TTLL12: variants seen among roughly 807,000 people sequenced by gnomAD.
TTLL12 encodes tubulin--tyrosine ligase-like protein 12.
In TTLL12, 77 loss-of-function variants were observed where a neutral mutation model predicts 79.6. The ratio of observed to expected loss-of-function variants is 0.97; its 90% CI spans 0.81 to 1.17. TTLL12 has a LOEUF of 1.17. TTLL12 is among the 50% of genes most tolerant of loss of function. The pLI is 0.00. For missense variants in TTLL12, 969 were observed against 895.9 expected (o/e 1.08, Z -1.04); for synonymous variants, 437 against 376.1 (o/e 1.16, Z -1.87).
chr22:43,172,701 C>T (rs76577202), intron 9 of TTLL12, 147 bp from the exon 10 acceptor site: 13 of 632,408 alleles, frequency 2.1e-5, no homozygotes, highest in South Asian at 4.3e-5. Context: ...GCTGCAAAGT[C>T]TTTTTTTTTT....
At chr22:43,174,691 G>A (rs1931858549) in intron 6 of TTLL12, 76 bp from the exon 7 acceptor site, 8 of 1,059,890 alleles carry the variant, frequency 7.5e-6, no homozygotes, top group Non-Finnish European at 1.1e-5. Context: ...CCCTGGCTCA[G>A]GGACTCCCTT....
chr22:43,180,717 C>T, intron 3 of TTLL12, 25 bp downstream of exon 3: 1 of 1,610,900 alleles, frequency 6.2e-7, no homozygotes. Flanking sequence ...TCCTCCCCCT[C>T]CCCGGGGCCC....
intron 6 of TTLL12, 104 bp downstream of exon 6, chr22:43,176,216 G>C: frequency 2.4e-6 from 2 of 839,326 alleles, no homozygotes; most frequent in Non-Finnish European, 2.0e-6. Flanking sequence ...GACTTGCTGC[G>C]TGCCACGTGC....
Position 43,182,592 on chromosome 22 carries a change from T to C in TTLL12, c.347+388A>G, listed in dbSNP as rs534779422. Among the ~76,000 whole-genome samples, 15 of 152,300 alleles carry C rather than the reference T, an allele frequency of 9.8e-5. No individual in the cohort carries two copies. In the South Asian group the frequency reaches 3.1e-3, roughly 32 times the overall value. On this transcript the variant is annotated intron_variant, in intron 2 of 13. Transcript: ENST00000216129. ...GCTCTGGGTCTCAGGTCCTCAGGTG[T>C]TCCAGGGCCCACCCCAGATTCCAAT...
chr22:43,173,890 A>T, intron 8 of TTLL12, 64 bp from the exon 9 acceptor site: 2 of 1,458,902 alleles, frequency 1.4e-6, no homozygotes, highest in Non-Finnish European at 1.9e-6. Context: ...GTGCCACCCC[A>T]GGACCCAGAG....
chr22:43,175,900 C>T (rs1931895605), intron 6 of TTLL12, among the ~76,000 whole-genome samples: 1 of 145,252 alleles, frequency 6.9e-6, no homozygotes, highest in South Asian at 2.2e-4. Flanking sequence ...GCTGGCCAGG[C>T]TGGTGTTGAA....
intron 3 of TTLL12, 69 bp from the exon 4 acceptor site, chr22:43,180,069 AG>A (rs1456435297): frequency 7.5e-7 from 1 of 1,335,050 alleles, no homozygotes; most frequent in East Asian, 4.1e-5. Flanking sequence ...TCCGGAACCC[AG>A]ACATCGACCA....
At chr22:43,168,573 C>A (rs1219022689) in intron 13 of TTLL12, among the ~76,000 whole-genome samples, 1 of 152,206 alleles carries the variant, frequency 6.6e-6, no homozygotes, top group African/African-American at 2.4e-5. Context: ...GACTCAGAGG[C>A]CCAACCCGCA....
At chr22:43,186,190 C>G (rs900823479) in intron 1 of TTLL12, among the ~76,000 whole-genome samples, 15 of 87,164 alleles carry the variant, frequency 1.7e-4, no homozygotes, top group African/African-American at 8.9e-4. Context: ...AAAGAAAACA[C>G]CCCCCCCCCC....
At position 43,168,132 on chromosome 22, in the gene TTLL12, AG is replaced by A; in HGVS notation, c.1810del (p.Leu604TrpfsTer3). On this transcript the variant is annotated frameshift_variant, in exon 14 of 14. Coordinates refer to ENST00000216129, the MANE Select transcript of TTLL12 (RefSeq NM_015140.4). LOFTEE classifies it high-confidence loss of function. ...DGRRVMQPQI[L>X]EVNFNPDCER... ...ACAGTCGGGGTTGAAGTTCACCTCC[AG>A]GATCTGCGGCTGCATCACCCGCCTT... 1 of 1,614,150 alleles carries A rather than the reference AG, an allele frequency of 6.2e-7. No individual in the cohort carries two copies. Among genetic ancestry groups the A allele is most frequent in the Non-Finnish European group, 8.5e-7 (1 of 1,179,990 alleles).
rs1343224781 is a variant in TTLL12, at chr22:43,176,363, G to A, written c.874C>T (p.Leu292Phe). ...ILEENKEKLP[L>F]DINPVVHPHG... is the part of the protein sequence containing the mutation. ...GGGTGCACCACGGGGTTGATGTCAAGTGGCAGCTTCTCCTTGTTTTCCTCC... is the reference window on the plus strand; with the variant it reads ...GGGTGCACCACGGGGTTGATGTCAAATGGCAGCTTCTCCTTGTTTTCCTCC... Residue 292 changes from leucine to phenylalanine, a missense_variant, in exon 6 of 14, where the codon CTT becomes TTT. Leu to Phe is a conservative substitution (Grantham distance 22). Coordinates refer to ENST00000216129, the MANE Select transcript of TTLL12 (RefSeq NM_015140.4). 6.2e-7 allele frequency: 1 copy of A among 1,605,736 alleles called. No homozygotes were observed. The highest frequency in any genetic ancestry group is 8.5e-7 in the Non-Finnish European group (1 of 1,177,216).
chr22:43,178,391 G>A (rs1332770185), intron 5 of TTLL12, among the ~76,000 whole-genome samples: 9 of 151,048 alleles, frequency 6.0e-5, no homozygotes, highest in Admixed American at 2.0e-4. Flanking sequence ...GCGCGATCTC[G>A]GCTCACTGCA....
intron 1 of TTLL12, among the ~76,000 whole-genome samples, chr22:43,186,346 CTAGAGG>C (rs1932186188): frequency 6.6e-6 from 1 of 152,216 alleles, no homozygotes; most frequent in Admixed American, 6.5e-5. Context: ...GGGAGAGAAC[CTAGAGG>C]CTTCTCAATC....
intron 6 of TTLL12, among the ~76,000 whole-genome samples, chr22:43,174,941 A>C (rs752982243): frequency 5.9e-5 from 9 of 152,232 alleles, no homozygotes; most frequent in Non-Finnish European, 1.0e-4. Context: ...CTCACATGCA[A>C]AACAAGAGGA....
At chr22:43,175,925 C>T (rs780125372) in intron 6 of TTLL12, among the ~76,000 whole-genome samples, 13 of 148,666 alleles carry the variant, frequency 8.7e-5, no homozygotes, top group African/African-American at 1.2e-4. Flanking sequence ...CGATCTCAGG[C>T]GATCTGCCTG....
intron 9 of TTLL12, 108 bp from the exon 10 acceptor site, chr22:43,172,662 C>T (rs1412954358): frequency 2.4e-6 from 3 of 1,248,694 alleles, no homozygotes; most frequent in Non-Finnish European, 3.4e-6. Context: ...CTTTACTCCT[C>T]CTTCTGCCTT....
intron 11 of TTLL12, chr22:43,169,880 C>T (rs1400140501): frequency 2.1e-6 from 1 of 483,312 alleles, no homozygotes; most frequent in Non-Finnish European, 4.1e-6. Context: ...AGACAATGAA[C>T]ATCGAGGGCT....
At chr22:43,182,086 T>C (rs2146623674) in intron 2 of TTLL12, among the ~76,000 whole-genome samples, 1 of 149,524 alleles carries the variant, frequency 6.7e-6, no homozygotes, top group Middle Eastern at 3.5e-3. Flanking sequence ...AATCCAAGAC[T>C]CTGGATCCCT....
Position 43,180,865 on chromosome 22 carries a change from C to T in TTLL12, c.423G>A (p.Leu141=). The change falls in exon 3 of 14, where the codon CTG becomes CTA. Residue 141 remains leucine, a synonymous_variant. Transcript: ENST00000216129. ...ARQQLQQVPG[L]LHRMANLMGI... is the part of the protein sequence containing the mutation. Reference sequence around the variant, plus strand: ...CCATCAGGTTGGCCATGCGGTGCAGCAGCCCGGGCACCTGCTGCAGCTGCT... The same window carrying T: ...CCATCAGGTTGGCCATGCGGTGCAGTAGCCCGGGCACCTGCTGCAGCTGCT... 1 of 1,613,022 alleles carries T rather than the reference C, an allele frequency of 6.2e-7. No individual in the cohort carries two copies. The highest frequency in any genetic ancestry group is 1.7e-5 in the Admixed American group (1 of 60,016).
Sources: gnomAD v4.1 joint callset for allele counts (sites outside exome capture counted in the v4.1 genomes callset) on GRCh38, gnomAD v4.1.1 for gene constraint, MANE v1.5 for transcripts, NCBI Gene and HGNC (gene_info 2026-07-23, HGNC 2026-07-21) for gene names.